The following CD37 variants were observed in gnomAD, a reference collection of about 807,000 sequenced individuals.
The protein encoded by CD37 is leukocyte antigen CD37.
A neutral mutation model predicts 38.9 loss-of-function variants in CD37; 37 were observed. The observed-to-expected ratio is 0.95, with a 90% CI of 0.73 to 1.25. CD37 has a LOEUF of 1.25. CD37 is among the 50% of genes most tolerant of loss of function. The pLI, the probability that CD37 is intolerant of heterozygous loss-of-function variation, is 0.00. For synonymous variants in CD37, 146 were observed against 150.1 expected, an observed-to-expected ratio of 0.97 and a Z score of 0.20; for missense variants, 351 against 360.1, an observed-to-expected ratio of 0.97 and a Z score of 0.20.
chr19:49,336,171 T>C (rs354023), intron 2 of CD37: 173,044 of 233,098 alleles, frequency 0.74, 64,909 homozygotes, highest in South Asian at 0.83. Context: ...CCCTAAATAA[T>C]AATGAAATAT....
chr19:49,338,810 G>A lies in CD37; in HGVS notation c.558G>A (p.Ala186=), dbSNP rs1329936021. Residue 186 remains alanine (A), a synonymous_variant, in exon 6 of 8, where the codon GCG becomes GCA. Transcript: ENST00000323906. The surrounding 1 kb of genome is among the most constrained non-coding windows in gnomAD (Gnocchi z 5.0). ...RVPCSCYNLS[A]TNDSTILDKV... The stretch of plus-strand genomic sequence containing the variant: ...CCTGCTCCTGCTACAACTTGTCGGC[G>A]ACCAACGACTCCACAATCCTAGATA... 3 of 1,613,826 alleles carry A rather than the reference G, an allele frequency of 1.9e-6. No individual in the cohort carries two copies. The highest frequency in any genetic ancestry group is 3.3e-5 in the Admixed American group (2 of 60,002).
intron 2 of CD37, chr19:49,336,174 T>C (rs978001458): frequency 1.3e-5 from 3 of 229,138 alleles, no homozygotes; most frequent in African/African-American, 4.6e-5. Flanking sequence ...TAAATAATAA[T>C]GAAATATAAC....
In CD37 at chr19:49,340,352, C is replaced by T; in HGVS notation, c.*24C>T. On this transcript the variant is annotated 3_prime_UTR_variant, in exon 8 of 8. Transcript: ENST00000323906. ...AGGCCCCGCCCTCCCCAAAGTCCCG[C>T]CCCGCCCCCGTCACGTGCGCTGGGC... 1.3e-6 allele frequency: 2 copies of T among 1,506,718 alleles called. No homozygotes were observed. The highest frequency in any genetic ancestry group is 1.8e-6 in the Non-Finnish European group (2 of 1,083,444). The allele number at this position is 1,506,718 out of a possible 1,614,324, so 93.3% of individuals were successfully genotyped here. A position where few individuals can be genotyped will look rare whatever the true frequency, so the allele number is the denominator to read the frequency against.
At chr19:49,337,819 G>A in intron 4 of CD37, 106 bp from the exon 5 acceptor site, 1 of 1,575,852 alleles carries the variant, frequency 6.3e-7, no homozygotes, top group African/African-American at 1.4e-5. Flanking sequence ...GTAAGGATTT[G>A]AGACTGGCCC....
rs914750216 is a variant in CD37 at position 49,340,367 on chromosome 19, G to A, written c.*39G>A. 1 of 1,333,090 alleles carries A rather than the reference G, an allele frequency of 7.5e-7. No homozygotes were observed. The highest frequency in any genetic ancestry group is 1.1e-6 in the Non-Finnish European group (1 of 935,628). 82.6% of individuals were successfully genotyped at this position (1,333,090 alleles called of 1,614,324 possible). A position where few individuals can be genotyped will look rare whatever the true frequency, so the allele number is the denominator to read the frequency against. Reference sequence around the variant, plus strand: ...CAAAGTCCCGCCCCGCCCCCGTCACGTGCGCTGGGCACTTCCCTGCTGCCT... The same window carrying A: ...CAAAGTCCCGCCCCGCCCCCGTCACATGCGCTGGGCACTTCCCTGCTGCCT... On this transcript the variant is annotated 3_prime_UTR_variant, in exon 8 of 8. Coordinates refer to ENST00000323906, the MANE Select transcript of CD37 (RefSeq NM_001774.3).
chr19:49,338,008 C>T lies in CD37; in HGVS notation c.426C>T (p.Ser142=). 1 of 1,614,038 alleles carries T rather than the reference C, an allele frequency of 6.2e-7. No individual in the cohort carries two copies. Among genetic ancestry groups the T allele is most frequent in the Admixed American group, 1.7e-5 (1 of 60,014 alleles). ...TNPEETAAEE[S]WDYVQFQLRC... Reference sequence around the variant, plus strand: ...CCGAGGAGACCGCGGCCGAGGAGAGCTGGGACTATGTGCAGTTCCAGGTAA... The same window carrying T: ...CCGAGGAGACCGCGGCCGAGGAGAGTTGGGACTATGTGCAGTTCCAGGTAA... Residue 142 remains serine, a synonymous_variant, in exon 5 of 8, where the codon AGC becomes AGT. Transcript: ENST00000323906. The surrounding 1 kb of genome is among the most constrained non-coding windows in gnomAD (Gnocchi z 5.0).
At position 49,340,369 on chromosome 19, in the gene CD37, G is replaced by C. The variant is rs751199796; in HGVS notation, c.*41G>C. The C allele has an allele frequency of 3.0e-6, 4 of 1,332,210 alleles. No homozygotes were observed. The highest frequency in any genetic ancestry group is 4.3e-6 in the Non-Finnish European group (4 of 925,742). 82.5% of individuals were successfully genotyped at this position (1,332,210 alleles called of 1,614,324 possible). ...AAGTCCCGCCCCGCCCCCGTCACGTGCGCTGGGCACTTCCCTGCTGCCTGT... is the reference window on the plus strand; with the variant it reads ...AAGTCCCGCCCCGCCCCCGTCACGTCCGCTGGGCACTTCCCTGCTGCCTGT... On this transcript the variant is annotated 3_prime_UTR_variant, in exon 8 of 8. Coordinates refer to ENST00000323906, the MANE Select transcript of CD37 (RefSeq NM_001774.3).
chr19:49,340,029 T>C (rs1971154904), intron 7 of CD37: 2 of 1,482,724 alleles, frequency 1.3e-6, no homozygotes, highest in African/African-American at 2.8e-5. Context: ...CCGACCTTAC[T>C]CCTTCTCAGC....
intron 7 of CD37, chr19:49,340,041 T>G: frequency 6.7e-7 from 1 of 1,495,264 alleles, no homozygotes; most frequent in Non-Finnish European, 8.9e-7. Flanking sequence ...CTTCTCAGCC[T>G]CTACCCCCAC....
Position 49,335,801 on chromosome 19 carries a change from G to A in CD37, c.142+15G>A, listed in dbSNP as rs778780048. On this transcript the variant is annotated intron_variant, in intron 2 of 7. Transcript: ENST00000323906. This position sits in a 1 kb window ranked among gnomAD's most constrained non-coding sequence, Gnocchi z 4.6. ...GTCCTTTGTGGGTGAGGGGGGCTGG[G>A]GCAGGTGGGAGGGCCTCCCCCAACC... 7 of 1,601,422 alleles carry A rather than the reference G, an allele frequency of 4.4e-6. No homozygotes were observed. In the Admixed American group the frequency reaches 1.2e-4, roughly 27 times the overall value.
chr19:49,335,512 G>A lies in CD37; in HGVS notation c.-29G>A, dbSNP rs373048504. The A allele has an allele frequency of 8.3e-6, 13 of 1,557,526 alleles. No homozygotes were observed. The African/African-American group carries it at 1.5e-4, about 18-fold the overall frequency. On this transcript the variant is annotated 5_prime_UTR_variant, in exon 1 of 8. Coordinates refer to ENST00000323906, the MANE Select transcript of CD37 (RefSeq NM_001774.3). The surrounding 1 kb of genome is among the most constrained non-coding windows in gnomAD (Gnocchi z 4.6). ...ACTGTCAGCACCTCTTCTGTGTGGTGAGTGGACCGCTTACCCCACTAGGTG... is the reference window on the plus strand; with the variant it reads ...ACTGTCAGCACCTCTTCTGTGTGGTAAGTGGACCGCTTACCCCACTAGGTG...
rs1234618328 is a variant in CD37 at position 49,335,695 on chromosome 19, C to A, written c.70-19C>A. ...CTTCCCCTGTGGCCCACCCCCGTAT[C>A]CGCATCTCCTCTCCCCAGGTCCTCG... On this transcript the variant is annotated intron_variant, in intron 1 of 7. Transcript: ENST00000323906. This position sits in a 1 kb window ranked among gnomAD's most constrained non-coding sequence, Gnocchi z 4.6. 1 of 1,613,730 alleles carries A rather than the reference C, an allele frequency of 6.2e-7. No individual in the cohort carries two copies. The highest frequency in any genetic ancestry group is 8.5e-7 in the Non-Finnish European group (1 of 1,179,722).
chr19:49,340,351 G>A lies in CD37; in HGVS notation c.*23G>A. 3 of 1,374,430 alleles carry A rather than the reference G, an allele frequency of 2.2e-6. No individual in the cohort carries two copies. Among genetic ancestry groups the A allele is most frequent in the Non-Finnish European group, 3.0e-6 (3 of 995,354 alleles). 85.1% of individuals were successfully genotyped at this position (1,374,430 alleles called of 1,614,324 possible). On this transcript the variant is annotated 3_prime_UTR_variant, in exon 8 of 8. Coordinates refer to ENST00000323906, the MANE Select transcript of CD37 (RefSeq NM_001774.3). ...TAGGCCCCGCCCTCCCCAAAGTCCC[G>A]CCCCGCCCCCGTCACGTGCGCTGGG...
chr19:49,340,039 C>T, intron 7 of CD37: 2 of 1,493,382 alleles, frequency 1.3e-6, no homozygotes, highest in Non-Finnish European at 1.8e-6. Context: ...TCCTTCTCAG[C>T]CTCTACCCCC....
chr19:49,335,679 T>C lies in CD37; in HGVS notation c.70-35T>C. The C allele has an allele frequency of 6.2e-7, 1 of 1,612,608 alleles. No individual in the cohort carries two copies. Among genetic ancestry groups the C allele is most frequent in the Non-Finnish European group, 8.5e-7 (1 of 1,178,722 alleles). On this transcript the variant is annotated intron_variant, in intron 1 of 7. Coordinates refer to ENST00000323906, the MANE Select transcript of CD37 (RefSeq NM_001774.3). This position sits in a 1 kb window ranked among gnomAD's most constrained non-coding sequence, Gnocchi z 4.6. Reference sequence around the variant, plus strand: ...CTAACCCAGCCCTCATCTTCCCCTGTGGCCCACCCCCGTATCCGCATCTCC... The same window carrying C: ...CTAACCCAGCCCTCATCTTCCCCTGCGGCCCACCCCCGTATCCGCATCTCC...
Position 49,337,981 on chromosome 19 carries a change from C to G in CD37, c.399C>G (p.Asn133Lys), listed in dbSNP as rs183980646. 6.2e-7 allele frequency: 1 copy of G among 1,614,106 alleles called. No individual in the cohort carries two copies. The highest frequency in any genetic ancestry group is 8.5e-7 in the Non-Finnish European group (1 of 1,180,000). Residue 133 changes from asparagine to lysine, a missense_variant, in exon 5 of 8, where the codon AAC becomes AAG. Transcript: ENST00000323906. The part of the protein sequence containing the change: ...VEKTIQKYGT[N>K]PEETAAEESW... ...AAACCATCCAAAAGTACGGCACCAACCCCGAGGAGACCGCGGCCGAGGAGA... is the reference window on the plus strand; with the variant it reads ...AAACCATCCAAAAGTACGGCACCAAGCCCGAGGAGACCGCGGCCGAGGAGA...
At position 49,339,086 on chromosome 19, in the gene CD37, G is replaced by A; in HGVS notation, c.684+150G>A. On this transcript the variant is annotated intron_variant, in intron 6 of 7. Transcript: ENST00000323906. This position sits in a 1 kb window ranked among gnomAD's most constrained non-coding sequence, Gnocchi z 4.5. ...GGGGCGGGGCCCTCTGAAGGGGGCG[G>A]GGTCTGCAGGAAGGGCAGGGCCTAA... is the stretch of plus-strand genomic sequence containing the variant. 1 of 720,864 alleles carries A rather than the reference G, an allele frequency of 1.4e-6. No homozygotes were observed. Among genetic ancestry groups the A allele is most frequent in the Non-Finnish European group, 2.3e-6 (1 of 431,542 alleles). The allele number at this position is 720,864 out of a possible 1,614,324, so 44.7% of individuals were successfully genotyped here.
chr19:49,335,745 T>C lies in CD37; in HGVS notation c.101T>C (p.Ile34Thr). 6.2e-7 allele frequency: 1 copy of C among 1,613,900 alleles called. No homozygotes were observed. Among genetic ancestry groups the C allele is most frequent in the South Asian group, 1.1e-5 (1 of 91,072 alleles). The change falls in exon 2 of 8, where the codon ATC becomes ACC. Residue 34 changes from isoleucine to threonine, a missense_variant. By Grantham distance (89) the Ile-to-Thr change is moderately conservative. Coordinates refer to ENST00000323906, the MANE Select transcript of CD37 (RefSeq NM_001774.3). The surrounding 1 kb of genome is among the most constrained non-coding windows in gnomAD (Gnocchi z 4.6). The stretch of plus-strand genomic sequence containing the variant: ...GGCAGCCTGATCTTCTGCTTCGGCA[T>C]CTGGATCCTCATTGACAAGACCAGC... ...VLGSLIFCFG[I>T]WILIDKTSFV...
Position 49,338,114 on chromosome 19 carries a change from A to T in CD37, c.447+85A>T. 1 of 1,534,668 alleles carries T rather than the reference A, an allele frequency of 6.5e-7. No homozygotes were observed. The highest frequency in any genetic ancestry group is 8.8e-7 in the Non-Finnish European group (1 of 1,139,946). ...GAGACTCCACCCCAACGTGGGCCCG[A>T]CCCCCAGCTCTACGATCCTAACACA... is the stretch of plus-strand genomic sequence containing the variant. On this transcript the variant is annotated intron_variant, in intron 5 of 7. Transcript: ENST00000323906. The surrounding 1 kb of genome is among the most constrained non-coding windows in gnomAD (Gnocchi z 5.0).
Sources: gnomAD v4.1 joint callset for allele counts on GRCh38, gnomAD v4.1.1 for gene constraint, Gnocchi (gnomAD v3.1) non-coding constraint, MANE v1.5 for transcripts, NCBI Gene and HGNC (gene_info 2026-07-23, HGNC 2026-07-21) for gene names.